Variants in AKAP13 observed in about 807,000 individuals in gnomAD.
The protein encoded by AKAP13 is A-kinase anchoring protein 13, also known as A-kinase anchor protein 13.
Under a neutral mutation model 264.5 loss-of-function variants are expected in AKAP13, and 80 were observed. The ratio of observed to expected loss-of-function variants is 0.30; its 90% CI spans 0.25 to 0.36. AKAP13 has a LOEUF of 0.36. AKAP13 is among the 10% of genes least tolerant of loss of function. The pLI is 1.00. For missense variants in AKAP13, 3,712 were observed against 3,435.2 expected, an observed-to-expected ratio of 1.08 and a Z score of -2.01; for synonymous variants, 1,380 against 1,250.2, an observed-to-expected ratio of 1.10 and a Z score of -2.19.
At chr15:85,730,806 A>G in intron 30 of AKAP13, 99 bp downstream of exon 30, 3 of 1,059,148 alleles carry the variant, frequency 2.8e-6, no homozygotes, top group Non-Finnish European at 2.7e-6. Context: ...TTAAAGCACA[A>G]ATGCAGAAAA....
At chr15:85,449,055 T>A (rs2073996136) in intron 1 of AKAP13, among the ~76,000 whole-genome samples, 1 of 152,160 alleles carries the variant, frequency 6.6e-6, no homozygotes. Context: ...TTTCCATTTG[T>A]TTGTGTCTTG....
chr15:85,582,914 A>G (rs2079183249), intron 7 of AKAP13: 1 of 985,466 alleles, frequency 1.0e-6, no homozygotes, highest in African/African-American at 1.7e-5. Context: ...GATTGCTCAC[A>G]CAGCAGCCTG....
Position 85,580,875 on chromosome 15 carries a change from C to T in AKAP13, c.2807C>T (p.Ser936Phe), listed in dbSNP as rs1286496395. The T allele has an allele frequency of 6.2e-7, 1 of 1,614,150 alleles. No homozygotes were observed. Among genetic ancestry groups the T allele is most frequent in the Non-Finnish European group, 8.5e-7 (1 of 1,180,020 alleles). The part of the protein sequence containing the change: ...QDKDKAVTCS[S>F]IKENALSSGT... ...AAGGATAAAGCGGTGACCTGTTCCT[C>T]TATTAAGGAAAATGCTCTCTCTTCA... Residue 936 changes from serine (S) to phenylalanine (F), a missense_variant, in exon 7 of 37, where the codon TCT becomes TTT. Ser to Phe is a radical substitution (Grantham distance 155, BLOSUM62 -2). Around this residue, in one of 3 missense-constraint regions of AKAP13, gnomAD observed 2,759 missense variants for 2,411.7 expected, o/e 1.14. Coordinates refer to ENST00000394518, the MANE Select transcript of AKAP13 (RefSeq NM_007200.5).
intron 6 of AKAP13, among the ~76,000 whole-genome samples, chr15:85,578,308 A>G (rs2079081080): frequency 6.6e-6 from 1 of 152,166 alleles, no homozygotes; most frequent in African/African-American, 2.4e-5. Flanking sequence ...AATTGAAGAT[A>G]TTCACTGAGC....
rs1339406451 is a variant in AKAP13, at chr15:85,655,448, C to T, written c.4406C>T (p.Thr1469Ile). 2 of 1,614,010 alleles carry T rather than the reference C, an allele frequency of 1.2e-6. No individual in the cohort carries two copies. The highest frequency in any genetic ancestry group is 1.7e-6 in the Non-Finnish European group (2 of 1,180,008). The change falls in exon 11 of 37, where the codon ACC (threonine) becomes ATC (isoleucine). Residue 1469 changes from threonine (T) to isoleucine (I), a missense_variant. Physicochemically the swap from Thr to Ile is moderately conservative, Grantham distance 89. Transcript: ENST00000394518. The part of the protein sequence containing the change: ...PEEEHLACDI[T>I]GSSSSTDDTA... Reference sequence around the variant, plus strand: ...GAAGAGCATTTGGCCTGTGATATCACCGGATCCAGTTCATCCACCGATGAC... The same window carrying T: ...GAAGAGCATTTGGCCTGTGATATCATCGGATCCAGTTCATCCACCGATGAC...
chr15:85,668,018 T>A (rs993453891), intron 13 of AKAP13, among the ~76,000 whole-genome samples: 2 of 152,186 alleles, frequency 1.3e-5, no homozygotes, highest in African/African-American at 4.8e-5. Flanking sequence ...GAATCTCTAC[T>A]TACCCATAGT....
intron 1 of AKAP13, among the ~76,000 whole-genome samples, chr15:85,449,080 G>C (rs1183803445): frequency 6.6e-6 from 1 of 151,982 alleles, no homozygotes; most frequent in Admixed American, 6.6e-5. Context: ...ATTTCTTTGA[G>C]CAGTATTTTA....
At chr15:85,392,077 C>T (rs1054728240) in intron 1 of AKAP13, among the ~76,000 whole-genome samples, 1 of 151,634 alleles carries the variant, frequency 6.6e-6, no homozygotes, top group Non-Finnish European at 1.5e-5. Context: ...GTCACCATGC[C>T]CGGCTCTATT....
chr15:85,641,847 A>G (rs1393631507), intron 9 of AKAP13, among the ~76,000 whole-genome samples: 1 of 152,170 alleles, frequency 6.6e-6, no homozygotes, highest in Non-Finnish European at 1.5e-5. Context: ...ATAAATTACA[A>G]GATAGAATTA....
In AKAP13 at chr15:85,718,980, G is replaced by A. The variant is rs2087124465; in HGVS notation, c.6002-96G>A. On this transcript the variant is annotated intron_variant, in intron 22 of 36. Coordinates refer to ENST00000394518, the MANE Select transcript of AKAP13 (RefSeq NM_007200.5). This position sits in a 1 kb window ranked among gnomAD's most constrained non-coding sequence, Gnocchi z 4.9. ...TGACCCAATTTTAAGGTTCAAATTG[G>A]GCTCTAAACTAGCTTTGGGACTGCA... 9.2e-6 allele frequency: 14 copies of A among 1,514,672 alleles called. No homozygotes were observed. The highest frequency in any genetic ancestry group is 1.2e-5 in the Non-Finnish European group (13 of 1,126,036). 93.8% of individuals were successfully genotyped at this position (1,514,672 alleles called of 1,614,324 possible). A position where few individuals can be genotyped will look rare whatever the true frequency, so the allele number is the denominator to read the frequency against.
intron 10 of AKAP13, among the ~76,000 whole-genome samples, chr15:85,647,629 C>CA (rs1396295656): frequency 6.6e-6 from 1 of 151,816 alleles, no homozygotes; most frequent in African/African-American, 2.4e-5. Flanking sequence ...AGTGACTTGA[C>CA]AAAAAATTCT....
chr15:85,727,396 T>C lies in AKAP13; in HGVS notation c.7020T>C (p.Asp2340=). 1 of 1,614,144 alleles carries C rather than the reference T, an allele frequency of 6.2e-7. No individual in the cohort carries two copies. The highest frequency in any genetic ancestry group is 8.5e-7 in the Non-Finnish European group (1 of 1,180,018). The change falls in exon 29 of 37, where the codon GAT becomes GAC. Residue 2340 remains aspartate, a synonymous_variant. Transcript: ENST00000394518. The surrounding 1 kb of genome is among the most constrained non-coding windows in gnomAD (Gnocchi z 5.3). The stretch of plus-strand genomic sequence containing the variant: ...GTTGTATTAGGAACAGAGATGAAGA[T>C]GAAGGAATTCCTAGTGAGAATGAGG... ...DTINTLNRDE[D]EGIPSENEEE...
chr15:85,586,765 A>C (rs1405334399), intron 8 of AKAP13, among the ~76,000 whole-genome samples: 1 of 151,918 alleles, frequency 6.6e-6, no homozygotes, highest in Non-Finnish European at 1.5e-5. Context: ...GTTTTTACTA[A>C]AAATACAAAA....
intron 5 of AKAP13, 113 bp from the exon 6 acceptor site, chr15:85,575,018 C>T: frequency 1.1e-6 from 1 of 936,784 alleles, no homozygotes; most frequent in East Asian, 2.5e-5. Context: ...CTAATTTTTG[C>T]TGTTGAACCT....
At chr15:85,563,427 C>G (rs1400436270) in intron 5 of AKAP13, among the ~76,000 whole-genome samples, 1 of 139,190 alleles carries the variant, frequency 7.2e-6, no homozygotes, top group Non-Finnish European at 1.5e-5. Context: ...GCTCACTATT[C>G]TGTTGATCAA....
Position 85,719,086 on chromosome 15 carries a change from G to A in AKAP13, c.6012G>A (p.Gln2004=), listed in dbSNP as rs1269373174. 2 of 1,613,992 alleles carry A rather than the reference G, an allele frequency of 1.2e-6. No individual in the cohort carries two copies. Among genetic ancestry groups the A allele is most frequent in the Non-Finnish European group, 1.7e-6 (2 of 1,179,992 alleles). Reference sequence around the variant, plus strand: ...TTTTCCTCCTTTTAGAGTTGATGCAGACAGAGTTTCATCATGTCCGCACTC... The same window carrying A: ...TTTTCCTCCTTTTAGAGTTGATGCAAACAGAGTTTCATCATGTCCGCACTC... ...KRQEVIYELM[Q]TEFHHVRTLK... The change falls in exon 23 of 37, where the codon CAG becomes CAA. Residue 2004 remains glutamine, a synonymous_variant. Transcript: ENST00000394518.
chr15:85,562,691 C>CTTTTTTTTTTTTTTTTT (rs10598092), intron 5 of AKAP13, among the ~76,000 whole-genome samples: 1 of 100,520 alleles, frequency 9.9e-6, no homozygotes, highest in Non-Finnish European at 1.9e-5. Flanking sequence ...CTTTTCTTTT[C>CTTTTTTTTTTTTTTTTT]TTTTTTTTTT....
chr15:85,527,819 C>T (rs967307212), intron 3 of AKAP13, among the ~76,000 whole-genome samples: 1 of 152,138 alleles, frequency 6.6e-6, no homozygotes, highest in South Asian at 2.1e-4. Context: ...TTCCTTTAAC[C>T]CTATCATAGA....
At chr15:85,443,069 A>G in intron 1 of AKAP13, among the ~76,000 whole-genome samples, 1 of 152,128 alleles carries the variant, frequency 6.6e-6, no homozygotes, top group East Asian at 1.9e-4. Flanking sequence ...AAACTTAAGT[A>G]TCATTCAGTT....
Sources: allele counts gnomAD v4.1 joint callset (sites outside exome capture counted in the v4.1 genomes callset), GRCh38; gene constraint gnomAD v4.1.1; regional missense constraint gnomAD v4.1.1; non-coding constraint Gnocchi (gnomAD v3.1); transcripts MANE v1.5; gene names NCBI Gene and HGNC (gene_info 2026-07-23, HGNC 2026-07-21).